TRANK1: variants seen among roughly 807,000 people sequenced by gnomAD.
TRANK1 encodes the protein tetratricopeptide repeat and ankyrin repeat containing 1, also known as TPR and ankyrin repeat-containing protein 1.
Under a neutral mutation model 266.0 loss-of-function variants are expected in TRANK1, and 198 were observed. The observed-to-expected ratio is 0.74, with a 90% CI of 0.66 to 0.84. The LOEUF is 0.84. Among genes scored for constraint, TRANK1 ranks in the 40% least tolerant of loss-of-function variants. The pLI is 0.00. For missense variants in TRANK1, 3,326 were observed against 3,634.6 expected (o/e 0.92, Z 2.18); for synonymous variants, 1,396 against 1,384.1 (o/e 1.01, Z -0.19).
chr3:36,905,354 G>A (rs542086122), intron 2 of TRANK1, among the ~76,000 whole-genome samples: 1 of 152,152 alleles, frequency 6.6e-6, no homozygotes, highest in South Asian at 2.1e-4. Context: ...ATTTGAACAT[G>A]GAACCATTGG....
chr3:36,833,188 T>C lies in TRANK1; in HGVS notation c.6395A>G (p.Asn2132Ser), dbSNP rs777694563. ...TATTCTTAATATGGGCCCAGGGTCATTCTGAGCTATCTGGCAATACTTGGC... is the reference window on the plus strand; with the variant it reads ...TATTCTTAATATGGGCCCAGGGTCACTCTGAGCTATCTGGCAATACTTGGC... ...VDAKYCQIAQ[N>S]DPGPILRIIF... is the part of the protein sequence containing the mutation. The change falls in exon 22 of 24, where the codon AAT becomes AGT. Residue 2132 changes from asparagine (N) to serine (S), a missense_variant. By Grantham distance (46) the Asn-to-Ser change is conservative (BLOSUM62 1). Coordinates refer to ENST00000645898, the MANE Select transcript of TRANK1 (RefSeq NM_001329998.2). The C allele has an allele frequency of 1.2e-6, 2 of 1,613,974 alleles. No individual in the cohort carries two copies. The highest frequency in any genetic ancestry group is 1.1e-5 in the South Asian group (1 of 91,068).
At chr3:36,920,027 C>T (rs189568094) in intron 1 of TRANK1, among the ~76,000 whole-genome samples, 2 of 152,286 alleles carry the variant, frequency 1.3e-5, no homozygotes, top group East Asian at 3.9e-4. Flanking sequence ...AGAATGGACT[C>T]TGACCTGCAC....
Position 36,832,961 on chromosome 3 carries a change from G to T in TRANK1, c.6622C>A (p.His2208Asn). The change falls in exon 22 of 24, where the codon CAT (histidine) becomes AAT (asparagine). Residue 2208 changes from histidine (H) to asparagine (N), a missense_variant. His to Asn is a moderately conservative substitution (Grantham distance 68). Transcript: ENST00000645898. The stretch of plus-strand genomic sequence containing the variant: ...CAACGCCGCAGAGGCCTGTGAAAAT[G>T]TTCACAGTTTTCATCCTCACATTTT... ...GLKCEDENCE[H>N]FHRPLRRCEA... is the part of the protein sequence containing the mutation. 6.2e-7 allele frequency: 1 copy of T among 1,611,656 alleles called. No individual in the cohort carries two copies. Among genetic ancestry groups the T allele is most frequent in the Non-Finnish European group, 8.5e-7 (1 of 1,178,626 alleles).
chr3:36,907,569 AT>A (rs1324707739), intron 2 of TRANK1, among the ~76,000 whole-genome samples: 1 of 142,164 alleles, frequency 7.0e-6, no homozygotes, highest in Non-Finnish European at 1.5e-5. Context: ...GGTTCACGCT[AT>A]TCTCCTGCCT....
rs756117297 is a variant in TRANK1, at chr3:36,832,397, C to T, written c.7186G>A (p.Asp2396Asn). 33 of 1,613,924 alleles carry T rather than the reference C, an allele frequency of 2.0e-5. No homozygotes were observed. In the South Asian group the frequency reaches 2.7e-4, roughly 13 times the overall value. ...KFGMLAPNRD[D>N]ENMDKTHLCF... is the part of the protein sequence containing the mutation. ...AGGTGGGTCTTGTCCATATTTTCAT[C>T]ATCCCTGTTGGGTGCCAGCATGCCA... The change falls in exon 22 of 24, where the codon GAT becomes AAT. Residue 2396 changes from aspartate to asparagine, a missense_variant. Coordinates refer to ENST00000645898, the MANE Select transcript of TRANK1 (RefSeq NM_001329998.2).
chr3:36,892,866 T>G lies in TRANK1; in HGVS notation c.636+35A>C, dbSNP rs7643909. The G allele has an allele frequency of 8.4e-4, 545 of 651,010 alleles. 4 individuals carry two copies. The highest frequency in any genetic ancestry group is 1.0e-3 in the Non-Finnish European group (480 of 482,016). 40.3% of individuals were successfully genotyped at this position (651,010 alleles called of 1,614,324 possible). Reference sequence around the variant, plus strand: ...ACAAAACAAAACATATATATATATATATATAGATATATATAGATATATATA... The same window carrying G: ...ACAAAACAAAACATATATATATATAGATATAGATATATATAGATATATATA... On this transcript the variant is annotated intron_variant, in intron 6 of 23. Coordinates refer to ENST00000645898, the MANE Select transcript of TRANK1 (RefSeq NM_001329998.2).
At chr3:36,837,510 A>G (rs1051822668) in intron 20 of TRANK1, among the ~76,000 whole-genome samples, 14 of 152,292 alleles carry the variant, frequency 9.2e-5, no homozygotes, top group Admixed American at 3.3e-4. Context: ...GGATATTGAC[A>G]CCTGATAGGG....
chr3:36,870,726 G>A (rs752205906), intron 9 of TRANK1, among the ~76,000 whole-genome samples: 13 of 152,188 alleles, frequency 8.5e-5, no homozygotes, highest in Middle Eastern at 3.4e-3. Flanking sequence ...TGGCAAGCTT[G>A]GAACGATGCA....
rs774076052 is a variant in TRANK1, at chr3:36,855,561, G to T, written c.4161C>A (p.Asp1387Glu). 28 of 1,613,830 alleles carry T rather than the reference G, an allele frequency of 1.7e-5. No individual in the cohort carries two copies. Among genetic ancestry groups the T allele is most frequent in the Non-Finnish European group, 2.4e-5 (28 of 1,179,854 alleles). The change falls in exon 13 of 24, where the codon GAC becomes GAA. Residue 1387 changes from aspartate to glutamate, a missense_variant. Physicochemically the swap from Asp to Glu is conservative, Grantham distance 45. Transcript: ENST00000645898. ...TGAAGAGGCTGTAGATCTCACTCCG[G>T]TCTTCCTTGAAATTGGGGCACCGTT... ...GRKRCPNFKE[D>E]RSEIYSLFSL...
intron 15 of TRANK1, chr3:36,850,289 G>T: frequency 1.0e-6 from 1 of 985,394 alleles, no homozygotes. Context: ...AAATTTAACA[G>T]GAAAGGAATG....
chr3:36,904,355 CTAAAA>C (rs1206489008), intron 2 of TRANK1, among the ~76,000 whole-genome samples: 2 of 151,648 alleles, frequency 1.3e-5, no homozygotes, highest in Non-Finnish European at 2.9e-5. Flanking sequence ...CCCATCTCTA[CTAAAA>C]TACAAAAAAA....
At chr3:36,902,000 G>C (rs2079890395) in intron 3 of TRANK1, among the ~76,000 whole-genome samples, 1 of 152,136 alleles carries the variant, frequency 6.6e-6, no homozygotes, top group Non-Finnish European at 1.5e-5. Context: ...TTCAAAACTA[G>C]TCAATAAATT....
chr3:36,935,486 C>T (rs9756656), intron 1 of TRANK1, among the ~76,000 whole-genome samples: 4,698 of 125,504 alleles, frequency 0.037, 268 homozygotes, highest in African/African-American at 0.13. Flanking sequence ...GTTTTGCTCT[C>T]GTTGCCCAGG....
At chr3:36,878,365 G>A (rs1054887528) in intron 8 of TRANK1, among the ~76,000 whole-genome samples, 19 of 152,116 alleles carry the variant, frequency 1.2e-4, no homozygotes, top group Admixed American at 6.5e-5. Flanking sequence ...CAAAAAGGTT[G>A]GGGACCACTG....
At chr3:36,904,285 C>T (rs1321967458) in intron 2 of TRANK1, among the ~76,000 whole-genome samples, 1 of 151,816 alleles carries the variant, frequency 6.6e-6, no homozygotes, top group East Asian at 2.0e-4. Flanking sequence ...AATCGCAGCA[C>T]TTCGGGAGGC....
At chr3:36,850,781 GA>G (rs922578492) in intron 15 of TRANK1, 4 of 985,154 alleles carry the variant, frequency 4.1e-6, no homozygotes, top group East Asian at 1.1e-4. Context: ...AAAATGATAA[GA>G]AAAAAAGGAA....
Position 36,934,878 on chromosome 3 carries a change from C to A in TRANK1, c.23+9909G>T, listed in dbSNP as rs192911970. On this transcript the variant is annotated intron_variant, in intron 1 of 23. Coordinates refer to ENST00000645898, the MANE Select transcript of TRANK1 (RefSeq NM_001329998.2). ...GGCATGCAGGCCCCAGAATAGCTAT[C>A]CCTGAGTTGGGTTCACACACACCCT... Among the ~76,000 whole-genome samples the A allele has an allele frequency of 3.3e-5, 5 of 152,250 alleles. No individual in the cohort carries two copies. In the East Asian group the frequency reaches 5.8e-4, roughly 18 times the overall value.
At chr3:36,852,023 A>C in intron 14 of TRANK1, 123 bp downstream of exon 14, 1 of 1,365,158 alleles carries the variant, frequency 7.3e-7, no homozygotes, top group Non-Finnish European at 9.8e-7. Flanking sequence ...CCATCTCTGG[A>C]ACTCACCCAC....
intron 1 of TRANK1, among the ~76,000 whole-genome samples, chr3:36,914,357 ACTCCTGAG>A (rs1194447030): frequency 1.3e-5 from 2 of 148,454 alleles, no homozygotes; most frequent in Non-Finnish European, 3.0e-5. Flanking sequence ...CTGGTCTTGA[ACTCCTGAG>A]CTCAAGTGAG....
Sources: allele counts gnomAD v4.1 joint callset (sites outside exome capture counted in the v4.1 genomes callset), GRCh38; gene constraint gnomAD v4.1.1; transcripts MANE v1.5; gene names NCBI Gene and HGNC (gene_info 2026-07-23, HGNC 2026-07-21).